The following PLEC variants were observed in gnomAD, a reference collection of about 807,000 sequenced individuals.
PLEC encodes plectin.
In PLEC, 216 loss-of-function variants were observed where a neutral mutation model predicts 392.8. The ratio of observed to expected loss-of-function variants is 0.55; its 90% CI spans 0.49 to 0.62. The LOEUF is 0.62. PLEC is among the 20% of genes least tolerant of loss of function. PLEC has a pLI of 0.00. For synonymous variants in PLEC, 3,621 were observed against 2,980.6 expected (o/e 1.21, Z -7.00); for missense variants, 6,863 against 6,563.4 (o/e 1.05, Z -1.58).
At chr8:143,949,207 G>A (rs782711743) in intron 1 of PLEC, among the ~76,000 whole-genome samples, 12 of 152,198 alleles carry the variant, frequency 7.9e-5, no homozygotes, top group Admixed American at 2.6e-4. Context: ...CCCACACCCT[G>A]GCAAATCCTG....
chr8:143,946,382 T>C, intron 1 of PLEC: 2 of 1,288,846 alleles, frequency 1.6e-6, no homozygotes, highest in East Asian at 5.6e-5. Context: ...CTCCATGCTG[T>C]ACCTGTCCAT....
Position 143,934,341 on chromosome 8 carries a change from C to T in PLEC, c.1146G>A (p.Lys382=). The T allele has an allele frequency of 6.2e-7, 1 of 1,612,578 alleles. No individual in the cohort carries two copies. Among genetic ancestry groups the T allele is most frequent in the Non-Finnish European group, 8.5e-7 (1 of 1,179,946 alleles). Residue 382 remains lysine, a synonymous_variant, in exon 11 of 32, where the codon AAG becomes AAA. Transcript: ENST00000345136. ...KLHVAILERE[K]QLRSEFERLE... ...ACCTCTCAAACTCGCTGCGGAGCTG[C>T]TTCTCCCGCTCCAGGATGGCCACGT...
rs782622438 is a variant in PLEC at position 143,923,537 on chromosome 8, G to T, written c.6392C>A (p.Ala2131Glu). 1.3e-6 allele frequency: 2 copies of T among 1,597,404 alleles called. No homozygotes were observed. Among genetic ancestry groups the T allele is most frequent in the African/African-American group, 2.7e-5 (2 of 74,068 alleles). ...GCGCAGCTTCTCTGCAGCCGCCTGT[G>T]CCTGAGCCCGGGCCTGTGCCTGCTC... is the stretch of plus-strand genomic sequence containing the variant. ...AEEQAQARAQ[A>E]QAAAEKLRKE... Residue 2131 changes from alanine to glutamate, a missense_variant, in exon 31 of 32, where the codon GCA becomes GAA. By Grantham distance (107) the Ala-to-Glu change is moderately radical. Transcript: ENST00000345136.
intron 1 of PLEC, chr8:143,950,120 C>T (rs1221077959): frequency 6.9e-7 from 1 of 1,454,654 alleles, no homozygotes; most frequent in Non-Finnish European, 9.1e-7. Flanking sequence ...GGCCCAGGCC[C>T]AAGACCCGAC....
upstream of PLEC, chr8:143,973,540 C>T (rs1245977803): frequency 1.5e-5 from 17 of 1,150,466 alleles, no homozygotes; most frequent in African/African-American, 2.8e-4. This position sits in a 1 kb window ranked among gnomAD's most constrained non-coding sequence, Gnocchi z 5.6. Flanking sequence ...GTCCCCGCGG[C>T]CGCGCGCGCC....
upstream of PLEC, among the ~76,000 whole-genome samples, chr8:143,956,666 G>A (rs1346883538): frequency 4.6e-5 from 7 of 152,240 alleles, no homozygotes; most frequent in Admixed American, 3.9e-4. Flanking sequence ...CACCGACTCC[G>A]CCTTTAACTT....
Position 143,919,821 on chromosome 8 carries a change from C to T in PLEC, c.10000G>A (p.Gly3334Ser), listed in dbSNP as rs202003084. 56 of 1,612,992 alleles carry T rather than the reference C, an allele frequency of 3.5e-5. No homozygotes were observed. The highest frequency in any genetic ancestry group is 2.0e-4 in the African/African-American group (15 of 74,962). ...SRAQFEQLKD[G>S]KTTVKDLSEL... is the part of the protein sequence containing the mutation. Reference sequence around the variant, plus strand: ...GAAAGGTCCTTGACCGTCGTCTTGCCGTCCTTGAGCTGCTCAAACTGGGCT... The same window carrying T: ...GAAAGGTCCTTGACCGTCGTCTTGCTGTCCTTGAGCTGCTCAAACTGGGCT... The change falls in exon 32 of 32, where the codon GGC becomes AGC. Residue 3334 changes from glycine to serine, a missense_variant. Coordinates refer to ENST00000345136, the MANE Select transcript of PLEC (RefSeq NM_201384.3).
upstream of PLEC, chr8:143,953,842 C>A: frequency 3.1e-6 from 5 of 1,594,986 alleles, no homozygotes; most frequent in East Asian, 2.3e-5. Context: ...ACTGCCCAGG[C>A]CAGCGCCGCA....
intron 1 of PLEC, among the ~76,000 whole-genome samples, chr8:143,949,748 C>A (rs575007128): frequency 1.3e-5 from 2 of 152,232 alleles, no homozygotes; most frequent in Non-Finnish European, 2.9e-5. Context: ...TCAACCCCCG[C>A]GGCAAGGGAG....
At position 143,925,510 on chromosome 8, in the gene PLEC, C is replaced by G. The variant is rs1554702916; in HGVS notation, c.4419G>C (p.Gly1473=). Residue 1473 remains glycine, a synonymous_variant, in exon 31 of 32, where the codon GGG becomes GGC. Coordinates refer to ENST00000345136, the MANE Select transcript of PLEC (RefSeq NM_201384.3). ...CCCGTGCACGCAGTGCCTGCAGCTCCCCCTCAGCCCCGCCACGCTGGCGCT... is the reference window on the plus strand; with the variant it reads ...CCCGTGCACGCAGTGCCTGCAGCTCGCCCTCAGCCCCGCCACGCTGGCGCT... ...ATERQRGGAE[G]ELQALRARAE... 1 of 1,595,710 alleles carries G rather than the reference C, an allele frequency of 6.3e-7. No individual in the cohort carries two copies. Among genetic ancestry groups the G allele is most frequent in the South Asian group, 1.1e-5 (1 of 90,812 alleles).
At chr8:143,972,342 TCA>T (rs1833471360) in intron 1 of PLEC, among the ~76,000 whole-genome samples, 2 of 151,828 alleles carry the variant, frequency 1.3e-5, no homozygotes, top group East Asian at 3.9e-4. Flanking sequence ...AATGAACTAG[TCA>T]CACAGGCAAA....
At position 143,922,838 on chromosome 8, in the gene PLEC, A is replaced by T; in HGVS notation, c.7091T>A (p.Phe2364Tyr). 10 of 1,581,892 alleles carry T rather than the reference A, an allele frequency of 6.3e-6. No individual in the cohort carries two copies. Among genetic ancestry groups the T allele is most frequent in the Non-Finnish European group, 8.6e-6 (10 of 1,166,184 alleles). The change falls in exon 31 of 32, where the codon TTC becomes TAC. Residue 2364 changes from phenylalanine (F) to tyrosine (Y), a missense_variant. Coordinates refer to ENST00000345136, the MANE Select transcript of PLEC (RefSeq NM_201384.3). ...CCGCTCGGCCTCCAGCGTCCGCTGG[A>T]AGCCCTGCGTCTCCTCCGCCAGCTG... ...AQQLAEETQG[F>Y]QRTLEAERQR...
In PLEC at chr8:143,925,408, G is replaced by A. The variant is rs372986812; in HGVS notation, c.4521C>T (p.Ser1507=). The A allele has an allele frequency of 5.6e-5, 89 of 1,590,882 alleles. No individual in the cohort carries two copies. The African/African-American group carries it at 9.4e-4, about 17-fold the overall frequency. ...CCACCTCCGCCTGCCGCTTACGCTG[G>A]CTCTCGTCCTGCACCTGCCTCCGCA... The part of the protein sequence containing the change: ...ERLRRQVQDE[S]QRKRQAEVEL... Residue 1507 remains serine (S), a synonymous_variant, in exon 31 of 32, where the codon AGC becomes AGT. Coordinates refer to ENST00000345136, the MANE Select transcript of PLEC (RefSeq NM_201384.3).
At chr8:143,951,742 G>A (rs2132738978), upstream of PLEC, among the ~76,000 whole-genome samples, 2 of 152,302 alleles carry the variant, frequency 1.3e-5, no homozygotes, top group South Asian at 4.1e-4. Context: ...CCCGTCTGCA[G>A]GCCAGATGGA....
chr8:143,922,248 C>A lies in PLEC; in HGVS notation c.7573G>T (p.Ala2525Ser), dbSNP rs1554689070. 1 of 1,592,382 alleles carries A rather than the reference C, an allele frequency of 6.3e-7. No individual in the cohort carries two copies. The highest frequency in any genetic ancestry group is 1.7e-5 in the Admixed American group (1 of 57,744). The change falls in exon 32 of 32, where the codon GCC becomes TCC. Residue 2525 changes from alanine (A) to serine (S), a missense_variant. Ala to Ser is a moderately conservative substitution (Grantham distance 99, BLOSUM62 1). Coordinates refer to ENST00000345136, the MANE Select transcript of PLEC (RefSeq NM_201384.3). ...KLEQLFQDEV[A>S]KAQQLREEQQ... ...TCCTCACGCAGCTGCTGTGCCTTGG[C>A]CACCTCGTCCTGGAAGAGCTGCTCC...
intron 5 of PLEC, 64 bp from the exon 6 acceptor site, chr8:143,936,078 G>A: frequency 6.4e-7 from 1 of 1,574,474 alleles, no homozygotes. Context: ...TGTGCCCACA[G>A]CCACATGCAC....
chr8:143,930,326 T>C (rs1368318989), intron 20 of PLEC, 28 bp from the exon 21 acceptor site: 1 of 1,594,862 alleles, frequency 6.3e-7, no homozygotes, highest in Non-Finnish European at 8.5e-7. Flanking sequence ...GGTGAGGACA[T>C]GGCCACACCC....
chr8:143,922,447 A>G, intron 31 of PLEC, 52 bp from the exon 32 acceptor site: 1 of 1,600,872 alleles, frequency 6.2e-7, no homozygotes, highest in Non-Finnish European at 8.5e-7. Flanking sequence ...AGCACCCATC[A>G]CCCACCAAAG....
rs376808127 is a variant in PLEC at position 143,922,613 on chromosome 8, T to C, written c.7316A>G (p.Gln2439Arg). 10 of 1,613,582 alleles carry C rather than the reference T, an allele frequency of 6.2e-6. No individual in the cohort carries two copies. Among genetic ancestry groups the C allele is most frequent in the South Asian group, 1.1e-5 (1 of 91,056 alleles). The stretch of plus-strand genomic sequence containing the variant: ...GCGCTCGGCATCATGGTCACTCTGC[T>C]GTCGCTGGATCTCCAGTGTCTGCAC... Reference protein sequence around the residue: ...TLVQTLEIQRQQSDHDAERLR... With the variant: ...TLVQTLEIQRRQSDHDAERLR... The change falls in exon 31 of 32, where the codon CAG becomes CGG. Residue 2439 changes from glutamine to arginine, a missense_variant. Physicochemically the swap from Gln to Arg is conservative, Grantham distance 43. Coordinates refer to ENST00000345136, the MANE Select transcript of PLEC (RefSeq NM_201384.3).
Sources: gnomAD v4.1 joint callset for allele counts (sites outside exome capture counted in the v4.1 genomes callset) on GRCh38, gnomAD v4.1.1 for gene constraint, Gnocchi (gnomAD v3.1) non-coding constraint, MANE v1.5 for transcripts, NCBI Gene and HGNC (gene_info 2026-07-23, HGNC 2026-07-21) for gene names.